The following COBLL1 variants were observed in gnomAD, a reference collection of about 807,000 sequenced individuals.
The protein encoded by COBLL1 is cordon-bleu protein-like 1.
A neutral mutation model predicts 94.8 loss-of-function variants in COBLL1; 50 were observed. The observed-to-expected ratio is 0.53, with a 90% CI of 0.42 to 0.67. COBLL1 has a LOEUF of 0.67. Ranked by LOEUF, COBLL1 falls within the 30% of genes least tolerant of loss-of-function variation. COBLL1 has a pLI of 0.00. For synonymous variants in COBLL1, 448 were observed against 473.8 expected (o/e 0.95, Z 0.71); for missense variants, 1,362 against 1,348.7 (o/e 1.01, Z -0.15).
At position 164,681,314 on chromosome 2, in the gene COBLL1, A is replaced by G. The variant is rs1054921021; in HGVS notation, c.*4632T>C. The G allele has an allele frequency of 2.6e-5, 4 of 152,090 alleles. No individual in the cohort carries two copies. The highest frequency in any genetic ancestry group is 1.3e-4 in the Admixed American group (2 of 15,256). 9.4% of individuals were successfully genotyped at this position (152,090 alleles called of 1,614,324 possible). ...GGGAGCTCTGCTCCCTGCATCTCTCATCCTTTTCTTAGGACCATTCAGCTG... is the reference window on the plus strand; with the variant it reads ...GGGAGCTCTGCTCCCTGCATCTCTCGTCCTTTTCTTAGGACCATTCAGCTG... On this transcript the variant is annotated 3_prime_UTR_variant, in exon 14 of 14. Coordinates refer to ENST00000652658, the MANE Select transcript of COBLL1 (RefSeq NM_001365672.2).
chr2:164,673,093 T>A (rs1237777808), intron 1 of COBLL1, among the ~76,000 whole-genome samples: 1 of 152,258 alleles, frequency 6.6e-6, no homozygotes, highest in Non-Finnish European at 1.5e-5. Flanking sequence ...CAATTGTCTT[T>A]ATAAGTATAC....
rs1433184655 is a variant in COBLL1 at position 164,704,304 on chromosome 2, T to C, written c.1225+140A>G. 1.4e-5 allele frequency: 9 copies of C among 645,732 alleles called. No individual in the cohort carries two copies. In the African/African-American group the frequency reaches 1.5e-4, roughly 10 times the overall value. The allele number at this position is 645,732 out of a possible 1,614,324, so 40.0% of individuals were successfully genotyped here. On this transcript the variant is annotated intron_variant, in intron 9 of 13. Transcript: ENST00000652658. The stretch of plus-strand genomic sequence containing the variant: ...GCAGAGGGGTGGGGGCAAGAATTTA[T>C]TTCATAATAAAAATTTGGGAAATGA...
intron 11 of COBLL1, among the ~76,000 whole-genome samples, chr2:164,698,689 A>G (rs1392743402): frequency 6.6e-6 from 1 of 151,898 alleles, no homozygotes; most frequent in Non-Finnish European, 1.5e-5. Flanking sequence ...ATCACATGTA[A>G]TTTATCTGAT....
chr2:164,673,895 C>G (rs1454595057), intron 1 of COBLL1, among the ~76,000 whole-genome samples: 1 of 152,060 alleles, frequency 6.6e-6, no homozygotes, highest in African/African-American at 2.4e-5. Context: ...TGAGAGAATT[C>G]TACAATTACA....
intron 7 of COBLL1, among the ~76,000 whole-genome samples, chr2:164,710,856 C>A (rs1463419942): frequency 6.6e-6 from 1 of 151,948 alleles, no homozygotes; most frequent in Non-Finnish European, 1.5e-5. Flanking sequence ...AGCCACTGTG[C>A]CCGGCCAGCA....
At chr2:164,744,782 A>G (rs937537647) in intron 2 of COBLL1, among the ~76,000 whole-genome samples, 4 of 152,222 alleles carry the variant, frequency 2.6e-5, no homozygotes, top group Admixed American at 1.3e-4. Flanking sequence ...ATCTGCTTCA[A>G]TGAAAAACAT....
chr2:164,721,702 A>G (rs1685452817), intron 7 of COBLL1: 1 of 154,478 alleles, frequency 6.5e-6, no homozygotes, highest in African/African-American at 2.4e-5. Context: ...GTTACTGTAT[A>G]AAAAAGAACT....
At chr2:164,664,446 G>A (rs994828874) in intron 2 of COBLL1, among the ~76,000 whole-genome samples, 3 of 152,094 alleles carry the variant, frequency 2.0e-5, no homozygotes, top group Non-Finnish European at 4.4e-5. Flanking sequence ...TTCTTACATT[G>A]AAAAGTACTT....
intron 7 of COBLL1, among the ~76,000 whole-genome samples, chr2:164,712,920 CT>C (rs1201366470): frequency 6.6e-6 from 1 of 152,028 alleles, no homozygotes; most frequent in Admixed American, 6.6e-5. Flanking sequence ...CTTTTTACAC[CT>C]GTATATACAT....
At chr2:164,781,523 T>C (rs1480226989) in intron 2 of COBLL1, among the ~76,000 whole-genome samples, 1 of 152,232 alleles carries the variant, frequency 6.6e-6, no homozygotes, top group Non-Finnish European at 1.5e-5. Flanking sequence ...TGAGGTGCTC[T>C]TTCCCCTTTC....
At chr2:164,664,841 T>C (rs1691130365) in intron 2 of COBLL1, among the ~76,000 whole-genome samples, 1 of 152,222 alleles carries the variant, frequency 6.6e-6, no homozygotes, top group Non-Finnish European at 1.5e-5. Context: ...TGATAAATTA[T>C]TTAACCAAAT....
intron 2 of COBLL1, among the ~76,000 whole-genome samples, chr2:164,808,183 A>C (rs1034730630): frequency 1.3e-5 from 2 of 152,216 alleles, no homozygotes; most frequent in African/African-American, 4.8e-5. Context: ...ATATTTGTGT[A>C]AATGAACTAG....
At chr2:164,774,842 T>C (rs1688384843) in intron 2 of COBLL1, among the ~76,000 whole-genome samples, 1 of 149,858 alleles carries the variant, frequency 6.7e-6, no homozygotes, top group Non-Finnish European at 1.5e-5. Flanking sequence ...AGAGTAGTTT[T>C]CAGGTGCCTG....
intron 1 of COBLL1, among the ~76,000 whole-genome samples, chr2:164,673,613 G>A (rs1042000228): frequency 6.6e-6 from 1 of 152,150 alleles, no homozygotes; most frequent in Non-Finnish European, 1.5e-5. Flanking sequence ...AGCGGAGGTT[G>A]TAGTGAGCTG....
chr2:164,686,652 G>A (rs1683310688), intron 13 of COBLL1, among the ~76,000 whole-genome samples: 1 of 151,458 alleles, frequency 6.6e-6, no homozygotes, highest in South Asian at 2.1e-4. Flanking sequence ...CTATGGCAAA[G>A]TCTTCTATTC....
intron 13 of COBLL1, among the ~76,000 whole-genome samples, chr2:164,690,345 C>A (rs1390049064): frequency 1.3e-5 from 2 of 152,062 alleles, no homozygotes; most frequent in Non-Finnish European, 1.5e-5. Flanking sequence ...TAAGGTTCCA[C>A]TGAAAGAGAA....
chr2:164,834,301 T>G (rs933370481), intron 2 of COBLL1, among the ~76,000 whole-genome samples: 1 of 152,118 alleles, frequency 6.6e-6, no homozygotes, highest in Non-Finnish European at 1.5e-5. Flanking sequence ...CTTAATTATA[T>G]CAGTCATTTT....
At position 164,684,292 on chromosome 2, in the gene COBLL1, T is replaced by C. The variant is rs950919639; in HGVS notation, c.*1654A>G. The stretch of plus-strand genomic sequence containing the variant: ...ATCTTCATAAATTAAGCCTTTCTTA[T>C]ATATTAATATATTGAAAACATCTTA... On this transcript the variant is annotated 3_prime_UTR_variant, in exon 14 of 14. Transcript: ENST00000652658. 5 of 152,156 alleles carry C rather than the reference T, an allele frequency of 3.3e-5. No homozygotes were observed. The highest frequency in any genetic ancestry group is 1.2e-4 in the African/African-American group (5 of 41,454). 9.4% of individuals were successfully genotyped at this position (152,156 alleles called of 1,614,324 possible). A position where few individuals can be genotyped will look rare whatever the true frequency, so the allele number is the denominator to read the frequency against.
rs141493868 is a variant in COBLL1 at position 164,802,783 on chromosome 2, C to A, written c.41+38373G>T. On this transcript the variant is annotated intron_variant, in intron 2 of 13. Transcript: ENST00000652658. ...TCTATAAAATTCCCTGAACAACATC[C>A]CATTAGATTTACAAGTTGGGAATAA... Among the ~76,000 whole-genome samples the A allele has an allele frequency of 3.5e-3, 525 of 152,164 alleles. 1 individual carries two copies. The highest frequency in any genetic ancestry group is 0.012 in the African/African-American group (509 of 41,506).
Sources: gnomAD v4.1 joint callset for allele counts (sites outside exome capture counted in the v4.1 genomes callset) on GRCh38, gnomAD v4.1.1 for gene constraint, MANE v1.5 for transcripts, NCBI Gene and HGNC (gene_info 2026-07-23, HGNC 2026-07-21) for gene names.